MLXIPL: variants seen among roughly 807,000 people sequenced by gnomAD.
The protein encoded by MLXIPL is carbohydrate-responsive element-binding protein.
Under a neutral mutation model 81.5 loss-of-function variants are expected in MLXIPL, and 49 were observed. That is an observed-to-expected ratio of 0.60 (90% CI 0.48 to 0.76). The LOEUF is 0.76. Among genes scored for constraint, MLXIPL ranks in the 30% least tolerant of loss-of-function variants. The pLI, the probability that MLXIPL is intolerant of heterozygous loss-of-function variation, is 0.00. For missense variants in MLXIPL, 1,053 were observed against 1,167.0 expected (o/e 0.90, Z 1.42); for synonymous variants, 466 against 485.5 (o/e 0.96, Z 0.53).
the MLXIPL span, among the ~76,000 whole-genome samples, chr7:73,644,332 C>A: frequency 6.6e-6 from 1 of 152,098 alleles, no homozygotes; most frequent in Non-Finnish European, 1.5e-5. Flanking sequence ...CTTAGGACCT[C>A]CCAAGTAGCT....
At chr7:73,598,779 G>A (rs1157756170) in intron 8 of MLXIPL, among the ~76,000 whole-genome samples, 1 of 152,072 alleles carries the variant, frequency 6.6e-6, no homozygotes, top group African/African-American at 2.4e-5. Flanking sequence ...AAAGTCTGAT[G>A]ATGGAGGGAA....
chr7:73,600,887 C>T (rs1253477606), intron 7 of MLXIPL, among the ~76,000 whole-genome samples: 1 of 151,944 alleles, frequency 6.6e-6, no homozygotes, highest in African/African-American at 2.4e-5. Flanking sequence ...ACGGCCTGAC[C>T]ACATCCCGGG....
chr7:73,596,671 T>C lies in MLXIPL; in HGVS notation c.1790A>G (p.Lys597Arg), dbSNP rs782600248. Residue 597 changes from lysine (K) to arginine (R), a missense_variant, in exon 11 of 17, where the codon AAA becomes AGA. This residue lies in a region of MLXIPL where 823 missense variants were observed against 933.0 expected (regional missense o/e 0.88). Transcript: ENST00000313375. This position sits in a 1 kb window ranked among gnomAD's most constrained non-coding sequence, Gnocchi z 4.7. ...LAPSRPLLVP[K>R]AERLSPPAPS... The stretch of plus-strand genomic sequence containing the variant: ...CGCTGGGGGTGAGAGCCGCTCCGCT[T>C]TGGGGACAAGCAGGGGCCTGGAAGG... The C allele has an allele frequency of 8.0e-5, 127 of 1,590,082 alleles. No homozygotes were observed. The highest frequency in any genetic ancestry group is 1.0e-4 in the Non-Finnish European group (117 of 1,168,220).
At chr7:73,645,994 TCTC>T in the MLXIPL span, among the ~76,000 whole-genome samples, 1 of 152,128 alleles carries the variant, frequency 6.6e-6, no homozygotes, top group Non-Finnish European at 1.5e-5. Flanking sequence ...CTCTTCCTCT[TCTC>T]CTATCTGAAC....
Position 73,624,275 on chromosome 7 carries a change from C to A in MLXIPL, c.218G>T (p.Gly73Val). ...ACTGCGCGGCCCGAAGTCGGAGGGCCCCACGGACCCCTCCTGGTCGCGCCG... is the reference window on the plus strand; with the variant it reads ...ACTGCGCGGCCCGAAGTCGGAGGGCACCACGGACCCCTCCTGGTCGCGCCG... ...PRRRDQEGSV[G>V]PSDFGPRSID... Residue 73 changes from glycine (G) to valine (V), a missense_variant, in exon 1 of 17, where the codon GGG becomes GTG. By Grantham distance (109) the Gly-to-Val change is moderately radical (BLOSUM62 -3). This residue lies in a region of MLXIPL where 226 missense variants were observed against 216.2 expected (regional missense o/e 1.05). Coordinates refer to ENST00000313375, the MANE Select transcript of MLXIPL (RefSeq NM_032951.3). 1 of 1,589,940 alleles carries A rather than the reference C, an allele frequency of 6.3e-7. No homozygotes were observed. Among genetic ancestry groups the A allele is most frequent in the Non-Finnish European group, 8.5e-7 (1 of 1,169,742 alleles).
chr7:73,645,173 T>C, the MLXIPL span, among the ~76,000 whole-genome samples: 4 of 152,156 alleles, frequency 2.6e-5, no homozygotes, highest in African/African-American at 9.7e-5. Context: ...ACTATATGCC[T>C]GTGCCACCAC....
intron 5 of MLXIPL, chr7:73,606,614 CG>C: frequency 3.1e-6 from 1 of 323,542 alleles, no homozygotes; most frequent in Non-Finnish European, 6.0e-6. Context: ...TTAGTAGAGA[CG>C]GGGTTTCACC....
chr7:73,614,266 A>G (rs1795871559), intron 2 of MLXIPL, among the ~76,000 whole-genome samples: 1 of 152,066 alleles, frequency 6.6e-6, no homozygotes, highest in East Asian at 1.9e-4. Flanking sequence ...CATAATTTGG[A>G]GTTGGGGAAC....
In MLXIPL at chr7:73,618,985, G is replaced by A. The variant is rs114494046; in HGVS notation, c.294-2808C>T. Among the ~76,000 whole-genome samples, 816 of 152,324 alleles carry A rather than the reference G, an allele frequency of 5.4e-3. 8 individuals are homozygous for A. The highest frequency in any genetic ancestry group is 0.018 in the African/African-American group (764 of 41,570). Reference sequence around the variant, plus strand: ...GGAAGAAAAGGATTTGGGGCTGTGAGAGAAGAGACTCAGCCTGGAGGAAGA... The same window carrying A: ...GGAAGAAAAGGATTTGGGGCTGTGAAAGAAGAGACTCAGCCTGGAGGAAGA... On this transcript the variant is annotated intron_variant, in intron 1 of 16. Transcript: ENST00000313375.
intron 2 of MLXIPL, among the ~76,000 whole-genome samples, chr7:73,607,987 G>A (rs1233572619): frequency 6.6e-6 from 1 of 151,006 alleles, no homozygotes; most frequent in Non-Finnish European, 1.5e-5. Flanking sequence ...CTCCTGAGTA[G>A]CTGGGATTAC....
rs540934872 is a variant in MLXIPL, at chr7:73,619,386, G to A, written c.294-3209C>T. On this transcript the variant is annotated intron_variant, in intron 1 of 16. Coordinates refer to ENST00000313375, the MANE Select transcript of MLXIPL (RefSeq NM_032951.3). ...TAAGCCAGGAGAATGGCGTTAACCC[G>A]GGAGGCGGAGTTTGCAGTGAGCCGA... Among the ~76,000 whole-genome samples the A allele has an allele frequency of 4.6e-5, 7 of 151,944 alleles. No homozygotes were observed. The South Asian group carries it at 1.2e-3, about 27-fold the overall frequency.
At chr7:73,606,820 A>C in intron 5 of MLXIPL, 154 bp downstream of exon 5, 1 of 859,162 alleles carries the variant, frequency 1.2e-6, no homozygotes. Flanking sequence ...AGAAGAGCTC[A>C]ACAAATGAAC....
Position 73,597,724 on chromosome 7 carries a change from G to GGAGA in MLXIPL, c.1072-12_1072-11insTCTC, listed in dbSNP as rs1419266777. The GGAGA allele has an allele frequency of 3.7e-6, 5 of 1,337,744 alleles. No homozygotes were observed. The highest frequency in any genetic ancestry group is 4.8e-6 in the Non-Finnish European group (5 of 1,047,054). The allele number at this position is 1,337,744 out of a possible 1,614,324, so 82.9% of individuals were successfully genotyped here. A position where few individuals can be genotyped will look rare whatever the true frequency, so the allele number is the denominator to read the frequency against. On this transcript the variant is annotated splice_polypyrimidine_tract_variant and intron_variant, in intron 8 of 16. Transcript: ENST00000313375. ...GCAGCTGTTCCGAGCCTGGTTGGGG[G>GGAGA]GACAGACAGACACTCAGAGAGCAGG...
intron 3 of MLXIPL, 52 bp downstream of exon 3, chr7:73,607,538 C>G: frequency 1.3e-6 from 2 of 1,596,924 alleles, no homozygotes; most frequent in Non-Finnish European, 1.7e-6. Context: ...AGGGGCTGGT[C>G]TTGGTGGGTG....
chr7:73,606,295 G>T lies in MLXIPL; in HGVS notation c.619-184C>A, dbSNP rs1456900158. ...CCAAGATCACTCCATTGGCCTCTAA[G>T]AACTTCCCCCAGGAGATAGACCAGG... On this transcript the variant is annotated intron_variant, in intron 5 of 16. Coordinates refer to ENST00000313375, the MANE Select transcript of MLXIPL (RefSeq NM_032951.3). 4 of 652,898 alleles carry T rather than the reference G, an allele frequency of 6.1e-6. No individual in the cohort carries two copies. The East Asian group carries it at 8.2e-5, about 13-fold the overall frequency. The allele number at this position is 652,898 out of a possible 1,614,324, so 40.4% of individuals were successfully genotyped here.
At chr7:73,629,104 G>A (rs550048519), upstream of MLXIPL, among the ~76,000 whole-genome samples, 50 of 150,464 alleles carry the variant, frequency 3.3e-4, 1 homozygote, top group East Asian at 2.6e-3. Flanking sequence ...GTGCAGTGGC[G>A]TGATCTCAGC....
intron 7 of MLXIPL, 66 bp from the exon 8 acceptor site, chr7:73,599,761 G>T (rs1794637058): frequency 6.6e-7 from 1 of 1,510,754 alleles, no homozygotes; most frequent in South Asian, 1.2e-5. Flanking sequence ...ACAGCTGAGA[G>T]GAGAGTGGCC....
the MLXIPL span, among the ~76,000 whole-genome samples, chr7:73,638,374 G>A: frequency 2.6e-3 from 393 of 152,168 alleles, 1 homozygote; most frequent in Middle Eastern, 0.014. Context: ...GCACAATCTC[G>A]GCTCACTGCA....
chr7:73,645,163 A>C, the MLXIPL span, among the ~76,000 whole-genome samples: 4 of 152,088 alleles, frequency 2.6e-5, no homozygotes, highest in East Asian at 7.8e-4. Context: ...AGTAGCTATG[A>C]CTATATGCCT....
Sources: gnomAD v4.1 joint callset for allele counts (sites outside exome capture counted in the v4.1 genomes callset) on GRCh38, gnomAD v4.1.1 for gene constraint, gnomAD v4.1.1 regional missense constraint, Gnocchi (gnomAD v3.1) non-coding constraint, MANE v1.5 for transcripts, NCBI Gene and HGNC (gene_info 2026-07-23, HGNC 2026-07-21) for gene names.